GPC5: variants seen among roughly 807,000 people sequenced by gnomAD.
GPC5 encodes glypican 5.
In GPC5, 47 loss-of-function variants were observed where a neutral mutation model predicts 53.9. The ratio of observed to expected loss-of-function variants is 0.87; its 90% CI spans 0.69 to 1.11. The LOEUF (loss-of-function observed/expected upper bound fraction) is 1.11. GPC5 is among the 50% of genes most tolerant of loss of function. The pLI is 0.00. For synonymous variants in GPC5, 286 were observed against 263.3 expected (o/e 1.09, Z -0.84); for missense variants, 748 against 713.1 (o/e 1.05, Z -0.56).
intron 5 of GPC5, among the ~76,000 whole-genome samples, chr13:91,872,049 A>G (rs909049570): frequency 6.6e-6 from 1 of 152,070 alleles, no homozygotes; most frequent in South Asian, 2.1e-4. Flanking sequence ...CAAAGCAGAG[A>G]GACTGCCAAG....
chr13:91,999,052 A>C (rs1444514874), intron 6 of GPC5, among the ~76,000 whole-genome samples: 1 of 152,120 alleles, frequency 6.6e-6, no homozygotes, highest in Non-Finnish European at 1.5e-5. Flanking sequence ...CCATGTTTAA[A>C]TCCTTTCTCT....
At chr13:91,729,468 ATAAT>A (rs1209834396) in intron 4 of GPC5, among the ~76,000 whole-genome samples, 14 of 152,228 alleles carry the variant, frequency 9.2e-5, no homozygotes, top group Non-Finnish European at 1.8e-4. Flanking sequence ...CATTTAGTAA[ATAAT>A]TATTTCTAAT....
chr13:92,452,214 A>C (rs886778074), intron 7 of GPC5, among the ~76,000 whole-genome samples: 1 of 152,324 alleles, frequency 6.6e-6, no homozygotes, highest in African/African-American at 2.4e-5. Context: ...AACGCAGGAA[A>C]ATGTAAATAT....
intron 1 of GPC5, among the ~76,000 whole-genome samples, chr13:91,414,108 G>A (rs1878009034): frequency 6.6e-6 from 1 of 152,164 alleles, no homozygotes; most frequent in South Asian, 2.1e-4. Flanking sequence ...TAGTTTGGCT[G>A]TGTCCCCACT....
intron 4 of GPC5, among the ~76,000 whole-genome samples, chr13:91,752,070 C>A (rs1282635704): frequency 1.3e-5 from 2 of 152,140 alleles, no homozygotes; most frequent in African/African-American, 4.8e-5. Context: ...CAGATGGCTG[C>A]CTTCACCCGG....
At chr13:91,477,000 C>T (rs528437610) in intron 2 of GPC5, among the ~76,000 whole-genome samples, 33 of 152,078 alleles carry the variant, frequency 2.2e-4, no homozygotes, top group Non-Finnish European at 3.8e-4. Flanking sequence ...AGAGAAATTA[C>T]GGAGTGTTAT....
intron 7 of GPC5, among the ~76,000 whole-genome samples, chr13:92,444,076 G>A (rs2139389589): frequency 6.6e-6 from 1 of 152,270 alleles, no homozygotes; most frequent in Non-Finnish European, 1.5e-5. Context: ...TGGTCGACCT[G>A]CCGTGTGGTT....
At chr13:91,526,032 A>G (rs1886071805) in intron 2 of GPC5, among the ~76,000 whole-genome samples, 1 of 152,196 alleles carries the variant, frequency 6.6e-6, no homozygotes, top group Non-Finnish European at 1.5e-5. Flanking sequence ...GATTGAGGAC[A>G]TGATAATGAT....
chr13:91,745,758 A>G (rs149279207), intron 4 of GPC5, among the ~76,000 whole-genome samples: 93 of 152,258 alleles, frequency 6.1e-4, no homozygotes, highest in African/African-American at 2.1e-3. Flanking sequence ...CTTTTGAATC[A>G]AATATGAATG....
At chr13:91,682,371 A>G (rs1000200623) in intron 2 of GPC5, among the ~76,000 whole-genome samples, 2 of 152,218 alleles carry the variant, frequency 1.3e-5, no homozygotes, top group Non-Finnish European at 1.5e-5. Flanking sequence ...GTTTTTCAGC[A>G]CATTCTACCT....
chr13:91,971,720 T>C (rs896655694), intron 6 of GPC5, among the ~76,000 whole-genome samples: 2 of 152,242 alleles, frequency 1.3e-5, no homozygotes, highest in African/African-American at 4.8e-5. Context: ...CATTTCGTTA[T>C]GTACCCAGTA....
chr13:91,939,785 G>A (rs2039907749), intron 6 of GPC5, among the ~76,000 whole-genome samples: 2 of 152,074 alleles, frequency 1.3e-5, no homozygotes, highest in South Asian at 4.1e-4. Context: ...GGCTGAAGAA[G>A]GGGTTGAAGG....
intron 6 of GPC5, among the ~76,000 whole-genome samples, chr13:92,040,291 T>A (rs2040931871): frequency 6.6e-6 from 1 of 152,150 alleles, no homozygotes; most frequent in African/African-American, 2.4e-5. Flanking sequence ...AGGTGCACGT[T>A]AAGTGCATCT....
chr13:92,607,682 A>G lies in GPC5; in HGVS notation c.1562-258600A>G, dbSNP rs1181257165. Reference sequence around the variant, plus strand: ...AAATAAAATTATATATATTTTGTACATTATGTTTTCAAATATGTAAACATT... The same window carrying G: ...AAATAAAATTATATATATTTTGTACGTTATGTTTTCAAATATGTAAACATT... On this transcript the variant is annotated intron_variant, in intron 7 of 7. Coordinates refer to ENST00000377067, the MANE Select transcript of GPC5 (RefSeq NM_004466.6). Among the ~76,000 whole-genome samples, 3 of 152,198 alleles carry G rather than the reference A, an allele frequency of 2.0e-5. No individual in the cohort carries two copies. The East Asian group carries it at 5.8e-4, about 29-fold the overall frequency.
At chr13:91,958,350 A>C (rs73612928) in intron 6 of GPC5, among the ~76,000 whole-genome samples, 1,998 of 152,136 alleles carry the variant, frequency 0.013, 43 homozygotes, top group African/African-American at 0.045. Context: ...TTCTAAACAT[A>C]TGTGCGCCCA....
intron 7 of GPC5, among the ~76,000 whole-genome samples, chr13:92,606,759 T>G (rs1052876167): frequency 8.5e-5 from 13 of 152,168 alleles, no homozygotes; most frequent in African/African-American, 2.7e-4. Flanking sequence ...TACTTTGCTT[T>G]TCTTCCCTTT....
At chr13:92,661,952 G>T (rs1235002258) in intron 7 of GPC5, among the ~76,000 whole-genome samples, 1 of 151,872 alleles carries the variant, frequency 6.6e-6, no homozygotes, top group Non-Finnish European at 1.5e-5. Context: ...TGTTTTAAAG[G>T]TTCCCTCTCC....
chr13:92,246,692 A>C (rs2042653524), intron 7 of GPC5, among the ~76,000 whole-genome samples: 2 of 152,178 alleles, frequency 1.3e-5, no homozygotes. Flanking sequence ...AGAAACCTCA[A>C]ACAGTATAGA....
intron 7 of GPC5, among the ~76,000 whole-genome samples, chr13:92,759,917 T>C (rs959719802): frequency 6.6e-6 from 1 of 152,106 alleles, no homozygotes; most frequent in Non-Finnish European, 1.5e-5. Flanking sequence ...AGAGTTTTTA[T>C]CAAGAAAGGA....
Sources: allele counts gnomAD v4.1 joint callset (sites outside exome capture counted in the v4.1 genomes callset), GRCh38; gene constraint gnomAD v4.1.1; transcripts MANE v1.5; gene names NCBI Gene and HGNC (gene_info 2026-07-23, HGNC 2026-07-21).